Variants in ADAR observed in about 807,000 individuals in gnomAD.
ADAR encodes adenosine deaminase RNA specific, also known as double-stranded RNA-specific adenosine deaminase.
Under a neutral mutation model 113.2 loss-of-function variants are expected in ADAR, and 41 were observed. That is an observed-to-expected ratio of 0.36 (90% CI 0.28 to 0.47). ADAR has a LOEUF of 0.47. ADAR is among the 20% of genes least tolerant of loss of function. The probability of loss-of-function intolerance (pLI) is 1.00; values close to 1 mark genes in which losing one functional copy is unlikely to be tolerated. For synonymous variants in ADAR, 605 were observed against 572.6 expected, an observed-to-expected ratio of 1.06 and a Z score of -0.81; for missense variants, 1,242 against 1,540.9, an observed-to-expected ratio of 0.81 and a Z score of 3.25.
intron 13 of ADAR, 52 bp downstream of exon 13, chr1:154,585,701 A>C: frequency 2.0e-6 from 3 of 1,472,714 alleles, no homozygotes; most frequent in Non-Finnish European, 2.8e-6. Context: ...TGTTTACATG[A>C]CTGCTTGAAA....
chr1:154,585,016 G>A lies in ADAR; in HGVS notation c.3471C>T (p.Ser1157=). 6.2e-7 allele frequency: 1 copy of A among 1,613,976 alleles called. No homozygotes were observed. Residue 1157 remains serine (S), a synonymous_variant, in exon 15 of 15, where the codon TCC becomes TCT. Coordinates refer to ENST00000368474, the MANE Select transcript of ADAR (RefSeq NM_001111.5). ...TAAATAGAAGAAAAATGTTCTTTTT[G>A]GAGACCCGGGACAATTCATTCCGTG... ...DGPRNELSRV[S]KKNIFLLFKK...
At chr1:154,605,367 C>A (rs903655512) in intron 1 of ADAR, among the ~76,000 whole-genome samples, 1 of 152,046 alleles carries the variant, frequency 6.6e-6, no homozygotes, top group Non-Finnish European at 1.5e-5. Context: ...CTTGGGGTTT[C>A]CTCTCCTTGA....
At chr1:154,589,286 G>A (rs1696966636) in intron 9 of ADAR, 83 bp downstream of exon 9, 2 of 1,082,574 alleles carry the variant, frequency 1.8e-6, no homozygotes, top group Admixed American at 3.4e-5. Context: ...GGGGGATTCA[G>A]AGGCCGTGTC....
At chr1:154,612,164 A>G (rs904191648), upstream of ADAR, among the ~76,000 whole-genome samples, 1 of 152,148 alleles carries the variant, frequency 6.6e-6, no homozygotes, top group African/African-American at 2.4e-5. Context: ...GCTATATCCA[A>G]TTGGAACATC....
intron 13 of ADAR, 72 bp from the exon 14 acceptor site, chr1:154,585,416 G>A: frequency 6.2e-7 from 1 of 1,606,470 alleles, no homozygotes; most frequent in Non-Finnish European, 8.5e-7. Context: ...AGGGACTCAA[G>A]ACTCATAGGA....
Position 154,582,525 on chromosome 1 carries a change from A to G in ADAR, c.*2281T>C, listed in dbSNP as rs1696473815. 1 of 152,200 alleles carries G rather than the reference A, an allele frequency of 6.6e-6. No individual in the cohort carries two copies. The highest frequency in any genetic ancestry group is 1.5e-5 in the Non-Finnish European group (1 of 68,084). The allele number at this position is 152,200 out of a possible 1,614,324, so 9.4% of individuals were successfully genotyped here. On this transcript the variant is annotated 3_prime_UTR_variant, in exon 15 of 15. Coordinates refer to ENST00000368474, the MANE Select transcript of ADAR (RefSeq NM_001111.5). Reference sequence around the variant, plus strand: ...CGATCTGACACGGCTCGTTTCCAGCAGATGCGTGGAATTCAGGGATGCCTC... The same window carrying G: ...CGATCTGACACGGCTCGTTTCCAGCGGATGCGTGGAATTCAGGGATGCCTC...
Position 154,583,696 on chromosome 1 carries a change from G to C in ADAR, c.*1110C>G, listed in dbSNP as rs953855096. The C allele has an allele frequency of 1.1e-4, 17 of 152,216 alleles. No homozygotes were observed. The highest frequency in any genetic ancestry group is 3.9e-4 in the African/African-American group (16 of 41,432). The allele number at this position is 152,216 out of a possible 1,614,324, so 9.4% of individuals were successfully genotyped here. On this transcript the variant is annotated 3_prime_UTR_variant, in exon 15 of 15. Coordinates refer to ENST00000368474, the MANE Select transcript of ADAR (RefSeq NM_001111.5). ...ATTACAGGTTATCTGTAGCAGTTAA[G>C]AATCAACATCTATGGCATTCTTTAA...
At chr1:154,587,196 T>C (rs1571054758) in intron 11 of ADAR, among the ~76,000 whole-genome samples, 1 of 152,248 alleles carries the variant, frequency 6.6e-6, no homozygotes, top group Non-Finnish European at 1.5e-5. Flanking sequence ...TTTCTGTCTC[T>C]ATGGATTTGT....
chr1:154,608,195 T>G (rs981499310), upstream of ADAR: 2 of 660,266 alleles, frequency 3.0e-6, no homozygotes, highest in African/African-American at 3.9e-5. Flanking sequence ...TCAATTTCGC[T>G]TTCGTTTCCT....
chr1:154,599,985 A>G (rs1490527792), intron 2 of ADAR, among the ~76,000 whole-genome samples: 1 of 152,164 alleles, frequency 6.6e-6, no homozygotes, highest in African/African-American at 2.4e-5. Context: ...GCTGCTTAGC[A>G]GCACAACCCA....
chr1:154,625,031 C>CT (rs2101705897), intron 1 of ADAR, among the ~76,000 whole-genome samples: 1 of 152,154 alleles, frequency 6.6e-6, no homozygotes, highest in East Asian at 1.9e-4. Context: ...CTCAGGATTT[C>CT]TTTTTTCCAC....
In ADAR at chr1:154,584,500, T is replaced by G. The variant is rs1045962590; in HGVS notation, c.*306A>C. 1 of 352,592 alleles carries G rather than the reference T, an allele frequency of 2.8e-6. No homozygotes were observed. Among genetic ancestry groups the G allele is most frequent in the African/African-American group, 2.1e-5 (1 of 47,832 alleles). The allele number at this position is 352,592 out of a possible 1,614,324, so 21.8% of individuals were successfully genotyped here. A position where few individuals can be genotyped will look rare whatever the true frequency, so the allele number is the denominator to read the frequency against. Reference sequence around the variant, plus strand: ...AATGGAAACAAATCAAAACAAAACTTTTAAGAGGAAATGGACCGCAGGTGC... The same window carrying G: ...AATGGAAACAAATCAAAACAAAACTGTTAAGAGGAAATGGACCGCAGGTGC... On this transcript the variant is annotated 3_prime_UTR_variant, in exon 15 of 15. Transcript: ENST00000368474.
chr1:154,621,453 C>T (rs576768520), intron 1 of ADAR, among the ~76,000 whole-genome samples: 62 of 152,218 alleles, frequency 4.1e-4, no homozygotes, highest in African/African-American at 1.5e-3. Context: ...AAAGAATTAA[C>T]TGCAAATAAA....
At chr1:154,615,342 T>C (rs1191574703) in intron 1 of ADAR, among the ~76,000 whole-genome samples, 1 of 152,160 alleles carries the variant, frequency 6.6e-6, no homozygotes, top group Non-Finnish European at 1.5e-5. Context: ...AGTTTCTGCA[T>C]TTGGGTACAT....
At chr1:154,610,301 A>G (rs1480977514), upstream of ADAR, among the ~76,000 whole-genome samples, 1 of 152,192 alleles carries the variant, frequency 6.6e-6, no homozygotes, top group Non-Finnish European at 1.5e-5. Context: ...AACTGGAAAC[A>G]ACCCAAATGT....
At chr1:154,591,983 C>A (rs979908519) in intron 6 of ADAR, among the ~76,000 whole-genome samples, 1 of 152,072 alleles carries the variant, frequency 6.6e-6, no homozygotes, top group African/African-American at 2.4e-5. Flanking sequence ...TCATGACTGC[C>A]CCATGTGTTT....
intron 11 of ADAR, among the ~76,000 whole-genome samples, chr1:154,587,112 CT>C (rs1399489921): frequency 2.6e-5 from 4 of 152,164 alleles, no homozygotes; most frequent in African/African-American, 9.7e-5. Context: ...AAAAAGAAAC[CT>C]TCTACCCATT....
intron 1 of ADAR, among the ~76,000 whole-genome samples, chr1:154,613,340 A>G (rs1698544731): frequency 7.6e-6 from 1 of 130,778 alleles, no homozygotes; most frequent in Admixed American, 9.0e-5. Context: ...GCTGGAGTGC[A>G]GTGGCATGAT....
At position 154,597,901 on chromosome 1, in the gene ADAR, C is replaced by CA; in HGVS notation, c.1860dup (p.Glu621Ter). ...GAGTTCCCCAATTTGTGCATACACT[C>CA]AAGCAGTGTGGTGACGGGGCTCTTC... On this transcript the variant is annotated frameshift_variant, in exon 4 of 15. Coordinates refer to ENST00000368474, the MANE Select transcript of ADAR (RefSeq NM_001111.5). LOFTEE classifies it high-confidence loss of function. 6.2e-7 allele frequency: 1 copy of CA among 1,614,134 alleles called. No homozygotes were observed. Among genetic ancestry groups the CA allele is most frequent in the Non-Finnish European group, 8.5e-7 (1 of 1,180,028 alleles).
Sources: gnomAD v4.1 joint callset for allele counts (sites outside exome capture counted in the v4.1 genomes callset) on GRCh38, gnomAD v4.1.1 for gene constraint, MANE v1.5 for transcripts, NCBI Gene and HGNC (gene_info 2026-07-23, HGNC 2026-07-21) for gene names.